Variants in TRPT1 observed in about 807,000 individuals in gnomAD.
TRPT1 encodes tRNA 2'-phosphotransferase 1.
Under a neutral mutation model 28.4 loss-of-function variants are expected in TRPT1, and 22 were observed. The ratio of observed to expected loss-of-function variants is 0.78; its 90% CI spans 0.55 to 1.11. The LOEUF (loss-of-function observed/expected upper bound fraction) is 1.11. TRPT1 is among the 50% of genes least tolerant of loss of function. TRPT1 has a pLI of 0.00. For missense variants in TRPT1, 308 were observed against 317.7 expected, an observed-to-expected ratio of 0.97 and a Z score of 0.23; for synonymous variants, 137 against 132.4, an observed-to-expected ratio of 1.03 and a Z score of -0.24.
Position 64,224,730 on chromosome 11 carries a change from G to A in TRPT1, c.328-13C>T, listed in dbSNP as rs1220805702. ...CCAACTTAGGTACCTGGTTGAACGG[G>A]TAGCAGTGAGACCCCCTTCGCAGGC... On this transcript the variant is annotated splice_polypyrimidine_tract_variant and intron_variant, in intron 4 of 7. Coordinates refer to ENST00000317459, the MANE Select transcript of TRPT1 (RefSeq NM_001033678.4). 3 of 1,600,780 alleles carry A rather than the reference G, an allele frequency of 1.9e-6. No individual in the cohort carries two copies. The highest frequency in any genetic ancestry group is 3.4e-5 in the Admixed American group (2 of 59,436).
At chr11:64,225,415 T>G in intron 3 of TRPT1, 84 bp downstream of exon 3, 1 of 1,177,588 alleles carries the variant, frequency 8.5e-7, no homozygotes, top group East Asian at 2.4e-5. Context: ...CAGGGAGCGG[T>G]GGAGGCAGCC....
chr11:64,224,468 A>G, intron 5 of TRPT1, 75 bp downstream of exon 5: 1 of 1,586,776 alleles, frequency 6.3e-7, no homozygotes, highest in Non-Finnish European at 8.6e-7. Context: ...GCCCCAGACA[A>G]GTGTTGTAAC....
chr11:64,225,090 G>T (rs2134941547), intron 3 of TRPT1, 120 bp from the exon 4 acceptor site: 1 of 1,143,756 alleles, frequency 8.7e-7, no homozygotes, highest in Non-Finnish European at 1.2e-6. Flanking sequence ...ATCCTCTGTG[G>T]GACCTTTAGA....
In TRPT1 at chr11:64,223,928, C is replaced by T. The variant is rs1204576669; in HGVS notation, c.710G>A (p.Cys237Tyr). 2 of 1,614,016 alleles carry T rather than the reference C, an allele frequency of 1.2e-6. No homozygotes were observed. The highest frequency in any genetic ancestry group is 2.2e-5 in the East Asian group (1 of 44,884). The stretch of plus-strand genomic sequence containing the variant: ...GGAGCTGTGCTTGGGGCTACTCTGA[C>T]ACTCTGTCTCTTCATCACCAGCCAA... ...LSLAGDEETE[C>Y]QSSPKHSSRE... is the part of the protein sequence containing the mutation. Residue 237 changes from cysteine (C) to tyrosine (Y), a missense_variant, in exon 8 of 8, where the codon TGT becomes TAT. Cys to Tyr is a radical substitution (Grantham distance 194). Coordinates refer to ENST00000317459, the MANE Select transcript of TRPT1 (RefSeq NM_001033678.4).
chr11:64,224,461 C>T (rs946703436), intron 5 of TRPT1, 82 bp downstream of exon 5: 47 of 1,588,530 alleles, frequency 3.0e-5, no homozygotes, highest in East Asian at 4.5e-5. Flanking sequence ...TGGGGTGGCC[C>T]CAGACAAGTG....
rs1320605502 is a variant in TRPT1 at position 64,226,092 on chromosome 11, C to T, written c.-52G>A. On this transcript the variant is annotated 5_prime_UTR_variant, in exon 1 of 8. Coordinates refer to ENST00000317459, the MANE Select transcript of TRPT1 (RefSeq NM_001033678.4). ...GCCAGGAGCGCAGGGAGGCCGAGCC[C>T]CGCACCCCAGATCGCTGGTGCGCCC... 3.7e-6 allele frequency: 2 copies of T among 539,836 alleles called. No individual in the cohort carries two copies. The highest frequency in any genetic ancestry group is 3.3e-6 in the Non-Finnish European group (1 of 306,550). 33.4% of individuals were successfully genotyped at this position (539,836 alleles called of 1,614,324 possible).
In TRPT1 at chr11:64,224,192, C is replaced by T. The variant is rs764705523; in HGVS notation, c.578G>A (p.Arg193His). ...AGTCAGAATCACCCCATTGGCAGAG[C>T]GGAAGAAGGGTATTCCATCTGCTGA... ...LALADGIPFF[R>H]SANGVILTPG... The change falls in exon 7 of 8, where the codon CGC becomes CAC. Residue 193 changes from arginine (R) to histidine (H), a missense_variant. Physicochemically the swap from Arg to His is conservative, Grantham distance 29. Coordinates refer to ENST00000317459, the MANE Select transcript of TRPT1 (RefSeq NM_001033678.4). 4.9e-5 allele frequency: 79 copies of T among 1,609,290 alleles called. No homozygotes were observed. In the Admixed American group the frequency reaches 7.0e-4, roughly 14 times the overall value.
intron 3 of TRPT1, chr11:64,225,218 C>T: frequency 1.6e-6 from 1 of 609,620 alleles, no homozygotes; most frequent in South Asian, 2.0e-5. Context: ...ACACTCACAC[C>T]ACCAGCTGCA....
rs1287451164 is a variant in TRPT1, at chr11:64,223,886, ATCC to A, written c.749_751del (p.Arg250del). 1.9e-6 allele frequency: 3 copies of A among 1,599,232 alleles called. No homozygotes were observed. The highest frequency in any genetic ancestry group is 1.1e-5 in the South Asian group (1 of 88,416). Reference sequence around the variant, plus strand: ...TTATAAATTAATATTTTATTGTTGGATCCTCCTCCTTTCTCTGGAGCTGTGCTT... The same window carrying A: ...TTATAAATTAATATTTTATTGTTGGATCCTCCTTTCTCTGGAGCTGTGCTT... On this transcript the variant is annotated inframe_deletion, in exon 8 of 8. Transcript: ENST00000317459.
chr11:64,225,725 G>GC (rs954906774), intron 2 of TRPT1, 61 bp downstream of exon 2: 2 of 1,417,770 alleles, frequency 1.4e-6, no homozygotes, highest in African/African-American at 1.4e-5. Flanking sequence ...CTTCAGCTCC[G>GC]CCCCCCAGCA....
intron 2 of TRPT1, 89 bp from the exon 3 acceptor site, chr11:64,225,669 GC>G (rs1946960771): frequency 1.4e-6 from 2 of 1,433,110 alleles, no homozygotes; most frequent in Non-Finnish European, 1.9e-6. Context: ...TGCAGAGAGA[GC>G]CCAGAGAGAA....
At chr11:64,225,763 G>T (rs1330974648) in intron 2 of TRPT1, 23 bp downstream of exon 2, 6 of 1,529,394 alleles carry the variant, frequency 3.9e-6, no homozygotes, top group Non-Finnish European at 5.3e-6. Flanking sequence ...ACTGGTGGGA[G>T]GGGGTGGGGA....
Position 64,225,426 on chromosome 11 carries a change from A to G in TRPT1, c.157+73T>C, listed in dbSNP as rs879303646. 1.3e-4 allele frequency: 171 copies of G among 1,322,166 alleles called. 1 individual carries two copies. In the Admixed American group the frequency reaches 3.2e-3, roughly 25 times the overall value. The allele number at this position is 1,322,166 out of a possible 1,614,324, so 81.9% of individuals were successfully genotyped here. A position where few individuals can be genotyped will look rare whatever the true frequency, so the allele number is the denominator to read the frequency against. On this transcript the variant is annotated intron_variant, in intron 3 of 7. Coordinates refer to ENST00000317459, the MANE Select transcript of TRPT1 (RefSeq NM_001033678.4). ...TCCTCAGGGAGCGGTGGAGGCAGCCATCAGGGAGGAGTCGCAGACAGGCTC... is the reference window on the plus strand; with the variant it reads ...TCCTCAGGGAGCGGTGGAGGCAGCCGTCAGGGAGGAGTCGCAGACAGGCTC...
In TRPT1 at chr11:64,225,581, C is replaced by T. The variant is rs1946952358; in HGVS notation, c.76-1G>A. The T allele has an allele frequency of 4.3e-6, 7 of 1,609,640 alleles. No homozygotes were observed. Among genetic ancestry groups the T allele is most frequent in the Non-Finnish European group, 5.9e-6 (7 of 1,178,204 alleles). On this transcript the variant is annotated splice_acceptor_variant, in intron 2 of 7. Coordinates refer to ENST00000317459, the MANE Select transcript of TRPT1 (RefSeq NM_001033678.4). LOFTEE classifies it high-confidence loss of function. ...CCTTGGACAGCTGCACGTCTCGGTC[C>T]TGAAAGAACCCAGCGGTGGCCCCTA...
In TRPT1 at chr11:64,226,156, G is replaced by T; in HGVS notation, c.-116C>A. 2.3e-6 allele frequency: 1 copy of T among 435,930 alleles called. No individual in the cohort carries two copies. The highest frequency in any genetic ancestry group is 4.0e-6 in the Non-Finnish European group (1 of 247,280). 27.0% of individuals were successfully genotyped at this position (435,930 alleles called of 1,614,324 possible). A position where few individuals can be genotyped will look rare whatever the true frequency, so the allele number is the denominator to read the frequency against. ...GGGAGGCAGGGCCGACGTGCCGACGGACCGGGCGGAAGCGTCGGGGCGGCG... is the reference window on the plus strand; with the variant it reads ...GGGAGGCAGGGCCGACGTGCCGACGTACCGGGCGGAAGCGTCGGGGCGGCG... On this transcript the variant is annotated 5_prime_UTR_variant, in exon 1 of 8. Transcript: ENST00000317459.
Position 64,223,924 on chromosome 11 carries a change from C to CT in TRPT1, c.713dup (p.Ser239GlufsTer2). ...CTCTGGAGCTGTGCTTGGGGCTACT[C>CT]TGACACTCTGTCTCTTCATCACCAG... On this transcript the variant is annotated frameshift_variant, in exon 8 of 8. Coordinates refer to ENST00000317459, the MANE Select transcript of TRPT1 (RefSeq NM_001033678.4). LOFTEE classifies it high-confidence loss of function. 2 of 1,613,996 alleles carry CT rather than the reference C, an allele frequency of 1.2e-6. No individual in the cohort carries two copies. The highest frequency in any genetic ancestry group is 1.7e-6 in the Non-Finnish European group (2 of 1,179,916).
chr11:64,225,452 A>C (rs1424638341), intron 3 of TRPT1, 47 bp downstream of exon 3: 15 of 1,535,258 alleles, frequency 9.8e-6, no homozygotes, highest in Non-Finnish European at 1.1e-5. Flanking sequence ...AGACAGGCTC[A>C]CGTTTCTCTC....
Position 64,224,682 on chromosome 11 carries a change from C to A in TRPT1, c.363G>T (p.Pro121=). 1 of 1,601,456 alleles carries A rather than the reference C, an allele frequency of 6.2e-7. No homozygotes were observed. Among genetic ancestry groups the A allele is most frequent in the South Asian group, 1.1e-5 (1 of 88,832 alleles). Residue 121 remains proline, a synonymous_variant, in exon 5 of 8, where the codon CCG becomes CCT. Transcript: ENST00000317459. ...PKLELMPLET[P]QALPPMLVHG... The stretch of plus-strand genomic sequence containing the variant: ...GGACTAGCATCGGGGGCAGGGCCTG[C>A]GGTGTCTCCAGGGGCATCAGCTCCA...
At position 64,225,480 on chromosome 11, in the gene TRPT1, C is replaced by A; in HGVS notation, c.157+19G>T. ...TTTCTCTCTGGGCTCAAGCCCCAGC[C>A]TCCAAGGCCCCTACTTACCAGCTCC... On this transcript the variant is annotated intron_variant, in intron 3 of 7. Transcript: ENST00000317459. 6.2e-7 allele frequency: 1 copy of A among 1,606,144 alleles called. No homozygotes were observed. Among genetic ancestry groups the A allele is most frequent in the South Asian group, 1.1e-5 (1 of 90,360 alleles).
Sources: gnomAD v4.1 joint callset for allele counts on GRCh38, gnomAD v4.1.1 for gene constraint, MANE v1.5 for transcripts, NCBI Gene and HGNC (gene_info 2026-07-23, HGNC 2026-07-21) for gene names.